The following HMCN1 variants were observed in gnomAD, a reference collection of about 807,000 sequenced individuals.
HMCN1 encodes hemicentin 1.
Under a neutral mutation model 625.9 loss-of-function variants are expected in HMCN1, and 321 were observed. The ratio of observed to expected loss-of-function variants is 0.51; its 90% CI spans 0.47 to 0.56. The LOEUF is 0.56. HMCN1 is among the 20% of genes least tolerant of loss of function. HMCN1 has a pLI of 0.00. For synonymous variants in HMCN1, 2,425 were observed against 2,417.6 expected, an observed-to-expected ratio of 1.00 and a Z score of -0.09; for missense variants, 6,588 against 6,887.3, an observed-to-expected ratio of 0.96 and a Z score of 1.54.
chr1:185,773,311 A>G (rs186779624), intron 1 of HMCN1, among the ~76,000 whole-genome samples: 1 of 152,318 alleles, frequency 6.6e-6, no homozygotes, highest in East Asian at 1.9e-4. Context: ...AAATGTCAGT[A>G]CTTCAAAGAC....
chr1:185,944,476 A>G (rs1437966022), intron 11 of HMCN1, among the ~76,000 whole-genome samples: 1 of 152,252 alleles, frequency 6.6e-6, no homozygotes, highest in Non-Finnish European at 1.5e-5. Flanking sequence ...GAAAAGGTAC[A>G]AAGTGGATGC....
chr1:186,079,867 A>T lies in HMCN1; in HGVS notation c.8600-1340A>T, dbSNP rs142648683. On this transcript the variant is annotated intron_variant, in intron 55 of 106. Coordinates refer to ENST00000271588, the MANE Select transcript of HMCN1 (RefSeq NM_031935.3). Reference sequence around the variant, plus strand: ...CAAATTCTGAGTTAGGGCTGTTTCAAGTCTGCTGCTCACCTCCCAGGTGCA... The same window carrying T: ...CAAATTCTGAGTTAGGGCTGTTTCATGTCTGCTGCTCACCTCCCAGGTGCA... 3.7e-3 allele frequency among the ~76,000 whole-genome samples: 565 copies of T among 152,310 alleles called. 4 individuals carry two copies. The highest frequency in any genetic ancestry group is 0.013 in the African/African-American group (538 of 41,572).
chr1:185,934,144 T>C (rs1667699370), intron 11 of HMCN1, among the ~76,000 whole-genome samples: 1 of 152,206 alleles, frequency 6.6e-6, no homozygotes, highest in Non-Finnish European at 1.5e-5. Flanking sequence ...TTTTAAAAAA[T>C]ACTAATTTTA....
At chr1:186,167,625 C>A (rs145915738) in intron 100 of HMCN1, among the ~76,000 whole-genome samples, 100 of 152,294 alleles carry the variant, frequency 6.6e-4, no homozygotes, top group Admixed American at 2.7e-3. Flanking sequence ...TCAACATTCT[C>A]TGTTCTTCAC....
At chr1:185,940,480 G>T (rs1367799320) in intron 11 of HMCN1, among the ~76,000 whole-genome samples, 1 of 152,112 alleles carries the variant, frequency 6.6e-6, no homozygotes, top group Non-Finnish European at 1.5e-5. Flanking sequence ...TTTAATTCTG[G>T]TTACTAATGA....
intron 2 of HMCN1, among the ~76,000 whole-genome samples, chr1:185,859,500 G>A (rs973612107): frequency 6.6e-6 from 1 of 151,990 alleles, no homozygotes; most frequent in African/African-American, 2.4e-5. Context: ...AATTAGCACT[G>A]CTTTAGTTTT....
At chr1:185,877,660 T>C (rs980304691) in intron 4 of HMCN1, among the ~76,000 whole-genome samples, 12 of 152,064 alleles carry the variant, frequency 7.9e-5, no homozygotes, top group African/African-American at 2.9e-4. Context: ...TGGTAATTCT[T>C]CTTGTAGAAA....
At chr1:186,029,549 T>TA (rs1230276548) in intron 36 of HMCN1, among the ~76,000 whole-genome samples, 11 of 151,806 alleles carry the variant, frequency 7.2e-5, no homozygotes, top group Non-Finnish European at 7.4e-5. Flanking sequence ...GTTTTTTTTT[T>TA]TTATTTCTGT....
chr1:186,102,273 C>G (rs1230164921), intron 68 of HMCN1, among the ~76,000 whole-genome samples: 1 of 152,004 alleles, frequency 6.6e-6, no homozygotes, highest in African/African-American at 2.4e-5. Context: ...TCATGTGGGA[C>G]AGTGGTGTAG....
intron 56 of HMCN1, 127 bp downstream of exon 56, chr1:186,081,521 A>G: frequency 1.5e-6 from 1 of 672,638 alleles, no homozygotes; most frequent in South Asian, 1.9e-5. Context: ...ATAACCAACC[A>G]TCAAAGGTAT....
rs1403734687 is a variant in HMCN1, at chr1:186,187,034, ACACG to A, written c.16415-846_16415-843del. 2.7e-5 allele frequency among the ~76,000 whole-genome samples: 4 copies of A among 146,294 alleles called. No individual in the cohort carries two copies. In the East Asian group the frequency reaches 7.8e-4, roughly 28 times the overall value. On this transcript the variant is annotated intron_variant, in intron 105 of 106. Transcript: ENST00000271588. Reference sequence around the variant, plus strand: ...CACACACACACACACACACACACACACACGCATGCAAACATTTTCATTCACAGAT... The same window carrying A: ...CACACACACACACACACACACACACACATGCAAACATTTTCATTCACAGAT...
chr1:185,807,679 A>G (rs1375975106), intron 1 of HMCN1, among the ~76,000 whole-genome samples: 1 of 152,204 alleles, frequency 6.6e-6, no homozygotes, highest in Non-Finnish European at 1.5e-5. Flanking sequence ...ATAATTTGTG[A>G]GAATAAGCCT....
rs749698666 is a variant in HMCN1, at chr1:186,076,618, G to A, written c.8481G>A (p.Leu2827=). 1.2e-6 allele frequency: 2 copies of A among 1,612,738 alleles called. No individual in the cohort carries two copies. The highest frequency in any genetic ancestry group is 8.5e-7 in the Non-Finnish European group (1 of 1,179,626). Residue 2827 remains leucine, a synonymous_variant, in exon 54 of 107, where the codon TTG becomes TTA. Coordinates refer to ENST00000271588, the MANE Select transcript of HMCN1 (RefSeq NM_031935.3). ...CCTCAAGTGATAAAGTATTGATTTTGCCAGGTAAAGATTGATACCAACAGG... is the reference window on the plus strand; with the variant it reads ...CCTCAAGTGATAAAGTATTGATTTTACCAGGTAAAGATTGATACCAACAGG... ...PLTSSDKVLI[L]PGGRVLQIPR... is the part of the protein sequence containing the mutation.
Position 186,190,205 on chromosome 1 carries a change from C to A in HMCN1, c.*327C>A, listed in dbSNP as rs541810746. ...GTACCTAAGATCATTTTCCTGAAAG[C>A]CAAACCAAACAACGAAAAACAAGAA... On this transcript the variant is annotated 3_prime_UTR_variant, in exon 107 of 107. Coordinates refer to ENST00000271588, the MANE Select transcript of HMCN1 (RefSeq NM_031935.3). 19 of 267,440 alleles carry A rather than the reference C, an allele frequency of 7.1e-5. No individual in the cohort carries two copies. The highest frequency in any genetic ancestry group is 3.2e-4 in the African/African-American group (15 of 46,378). The allele number at this position is 267,440 out of a possible 1,614,324, so 16.6% of individuals were successfully genotyped here.
intron 45 of HMCN1, among the ~76,000 whole-genome samples, chr1:186,056,522 T>C (rs1657331393): frequency 1.3e-5 from 2 of 151,882 alleles, no homozygotes; most frequent in Admixed American, 1.3e-4. Context: ...TAATAAATGG[T>C]GGATTGGATA....
chr1:186,157,829 C>A (rs1651132311), intron 97 of HMCN1, among the ~76,000 whole-genome samples: 1 of 152,232 alleles, frequency 6.6e-6, no homozygotes, highest in Admixed American at 6.5e-5. Context: ...TTTTCTTAAT[C>A]CAGTCTATCA....
chr1:185,875,847 A>T (rs1663892995), intron 4 of HMCN1, among the ~76,000 whole-genome samples: 1 of 151,956 alleles, frequency 6.6e-6, no homozygotes, highest in Non-Finnish European at 1.5e-5. Flanking sequence ...ATCTACTTAA[A>T]TGCCTCTTTC....
At chr1:186,123,606 ACT>A (rs1558240817) in intron 81 of HMCN1, among the ~76,000 whole-genome samples, 1 of 152,062 alleles carries the variant, frequency 6.6e-6, no homozygotes, top group African/African-American at 2.4e-5. Context: ...GTATGATTTG[ACT>A]CTAATGAGAA....
At chr1:186,057,474 G>T (rs544264110) in intron 46 of HMCN1, 73 bp downstream of exon 46, 8 of 1,078,072 alleles carry the variant, frequency 7.4e-6, no homozygotes, top group African/African-American at 6.2e-5. Context: ...ATTTCAAATT[G>T]CTCAGTGTTT....
Sources: gnomAD v4.1 joint callset for allele counts (sites outside exome capture counted in the v4.1 genomes callset) on GRCh38, gnomAD v4.1.1 for gene constraint, MANE v1.5 for transcripts, NCBI Gene and HGNC (gene_info 2026-07-23, HGNC 2026-07-21) for gene names.